Variants in XG observed in about 807,000 individuals in gnomAD.
XG encodes the protein glycoprotein Xg.
In XG, 24 loss-of-function variants were observed where a neutral mutation model predicts 25.7. The observed-to-expected ratio is 0.93, with a 90% CI of 0.68 to 1.31. The LOEUF is 1.31. Among genes scored for constraint, XG ranks in the 40% most tolerant of loss-of-function variants. The probability of loss-of-function intolerance (pLI) is 0.00; values close to 1 mark genes in which losing one functional copy is unlikely to be tolerated. For synonymous variants in XG, 77 were observed against 69.2 expected (o/e 1.11, Z -0.56); for missense variants, 181 against 187.6 (o/e 0.96, Z 0.21).
chrX:2,788,717 T>C (rs2086807828), intron 4 of XG, among the ~76,000 whole-genome samples: 1 of 110,390 alleles, frequency 9.1e-6, no homozygotes, highest in South Asian at 3.9e-4. Flanking sequence ...TGGCCAGGCG[T>C]GGTGGCACAC....
rs768541365 is a variant in XG, at chrX:2,802,198, A to G, written c.374-4503A>G. ...TAAACAGGGTTTCATTTTGTTACCC[A>G]GGCTGGACTGCAGTGGTGAAATCAT... is the stretch of plus-strand genomic sequence containing the variant. On this transcript the variant is annotated intron_variant, in intron 7 of 10. Transcript: ENST00000644266. Among the ~76,000 whole-genome samples, 6 of 110,673 alleles carry G rather than the reference A, an allele frequency of 5.4e-5. No homozygotes were observed. The East Asian group carries it at 1.1e-3, about 21-fold the overall frequency.
At chrX:2,774,944 G>C in intron 3 of XG, 1 of 636,568 alleles carries the variant, frequency 1.6e-6, no homozygotes, top group East Asian at 2.7e-5. Context: ...CGTCCCCACT[G>C]AGATGGCTAA....
intron 9 of XG, 122 bp from the exon 10 acceptor site, chrX:2,811,214 T>A: frequency 2.1e-6 from 1 of 472,582 alleles, no homozygotes; most frequent in South Asian, 4.7e-5. Context: ...GTTATTGCAG[T>A]TTTTGTCATT....
At chrX:2,752,385 T>C (rs775806126) in intron 1 of XG, 50 bp downstream of exon 1, 1 of 1,611,602 alleles carries the variant, frequency 6.2e-7, no homozygotes, top group South Asian at 1.1e-5. Flanking sequence ...TGGATTTTTC[T>C]ATTCTTGCTT....
intron 1 of XG, among the ~76,000 whole-genome samples, chrX:2,762,894 G>C (rs1018919344): frequency 2.0e-5 from 3 of 152,204 alleles, no homozygotes; most frequent in African/African-American, 7.2e-5. Context: ...GGAAATTCCA[G>C]GCACCTCGCT....
intron 1 of XG, among the ~76,000 whole-genome samples, chrX:2,754,041 G>A (rs752188508): frequency 3.2e-4 from 48 of 152,210 alleles, no homozygotes; most frequent in African/African-American, 1.0e-3. Flanking sequence ...AAGCTATGGC[G>A]TTTGGTAGGG....
chrX:2,761,898 C>G (rs890850890), intron 1 of XG, among the ~76,000 whole-genome samples: 5 of 152,204 alleles, frequency 3.3e-5, no homozygotes, highest in African/African-American at 1.2e-4. Flanking sequence ...GCTGCCCAGT[C>G]TTTGGGATTG....
At chrX:2,753,166 T>C (rs745909428) in intron 1 of XG, among the ~76,000 whole-genome samples, 14 of 152,284 alleles carry the variant, frequency 9.2e-5, no homozygotes, top group Admixed American at 8.5e-4. Flanking sequence ...GTCATTAAGA[T>C]TGGAGTTGGT....
chrX:2,784,262 G>A (rs895250583), intron 4 of XG, among the ~76,000 whole-genome samples: 2 of 110,826 alleles, frequency 1.8e-5, no homozygotes, highest in Admixed American at 9.6e-5. Context: ...ACTGCCGTGG[G>A]CTTCCCTCCC....
chrX:2,787,245 A>G (rs995868754), intron 4 of XG, among the ~76,000 whole-genome samples: 4 of 110,309 alleles, frequency 3.6e-5, no homozygotes, highest in Non-Finnish European at 5.7e-5. Flanking sequence ...GGACTAAGAC[A>G]TCTCATAAGA....
At chrX:2,765,361 AGAAAGAGGGAGGGAGG>A (rs2050659008) in intron 1 of XG, among the ~76,000 whole-genome samples, 1 of 112,006 alleles carries the variant, frequency 8.9e-6, no homozygotes, top group African/African-American at 3.3e-5. Flanking sequence ...AGAGAAAGAG[AGAAAGAGGGAGGGAGG>A]GAAGGAAGGA....
At chrX:2,805,322 A>T (rs1490327474) in intron 7 of XG, among the ~76,000 whole-genome samples, 15 of 112,345 alleles carry the variant, frequency 1.3e-4, no homozygotes, top group Admixed American at 2.8e-4. Flanking sequence ...TGTAAATTAC[A>T]AGAGTCAGGA....
intron 4 of XG, among the ~76,000 whole-genome samples, chrX:2,782,753 C>A (rs751470373): frequency 9.9e-5 from 11 of 111,505 alleles, no homozygotes; most frequent in East Asian, 8.5e-4. Flanking sequence ...GTGATGTTAC[C>A]CCCAGGAGAA....
chrX:2,808,686 G>A (rs1004338249), intron 9 of XG: 14 of 381,822 alleles, frequency 3.7e-5, no homozygotes, highest in African/African-American at 3.6e-4. Context: ...GTCCTGTATT[G>A]TTGGGAGAAC....
chrX:2,770,505 G>C lies in XG; in HGVS notation c.62-45G>C, dbSNP rs764485056. ...GAGGTGAGGAACAAGGGGGATTCTG[G>C]CCTTTCCATCATGGGGTGACTTATG... is the stretch of plus-strand genomic sequence containing the variant. On this transcript the variant is annotated intron_variant, in intron 1 of 10. Coordinates refer to ENST00000644266, the MANE Select transcript of XG (RefSeq NM_001141919.2). The C allele has an allele frequency of 1.4e-5, 22 of 1,612,362 alleles. No homozygotes were observed. In the Middle Eastern group the frequency reaches 6.6e-4, roughly 48 times the overall value.
intron 3 of XG, 104 bp from the exon 4 acceptor site, chrX:2,781,962 A>G: frequency 7.1e-6 from 6 of 850,690 alleles, no homozygotes; most frequent in Non-Finnish European, 8.7e-6. Context: ...AAATCAGAAC[A>G]AACTGCAAGG....
At chrX:2,800,656 G>T (rs1031768512) in intron 7 of XG, among the ~76,000 whole-genome samples, 2 of 111,204 alleles carry the variant, frequency 1.8e-5, no homozygotes, top group African/African-American at 6.5e-5. Flanking sequence ...GGATGGGAGG[G>T]GGCTCATGAC....
intron 1 of XG, among the ~76,000 whole-genome samples, chrX:2,762,608 C>G (rs1418503822): frequency 6.6e-6 from 1 of 152,140 alleles, no homozygotes; most frequent in South Asian, 2.1e-4. Flanking sequence ...AATTAGAGAA[C>G]AGAATGGATT....
At chrX:2,808,781 C>T (rs1464237098) in intron 9 of XG, among the ~76,000 whole-genome samples, 1 of 111,262 alleles carries the variant, frequency 9.0e-6, no homozygotes, top group Admixed American at 9.6e-5. Context: ...ACGCACTCAA[C>T]CCCAAGGCTC....
Sources: allele counts gnomAD v4.1 joint callset (sites outside exome capture counted in the v4.1 genomes callset), GRCh38; gene constraint gnomAD v4.1.1; transcripts MANE v1.5; gene names NCBI Gene and HGNC (gene_info 2026-07-23, HGNC 2026-07-21).